The following TMEM196 variants were observed in gnomAD, a reference collection of about 807,000 sequenced individuals.
TMEM196 encodes the protein transmembrane protein 196.
In TMEM196, 17 loss-of-function variants were observed where a neutral mutation model predicts 20.0. The ratio of observed to expected loss-of-function variants is 0.85; its 90% CI spans 0.58 to 1.27. TMEM196 has a LOEUF of 1.27. Ranked by LOEUF, TMEM196 falls within the 50% of genes most tolerant of loss-of-function variation. The probability of loss-of-function intolerance (pLI) is 0.00; values close to 1 mark genes in which losing one functional copy is unlikely to be tolerated. For synonymous variants in TMEM196, 113 were observed against 88.9 expected (o/e 1.27, Z -1.52); for missense variants, 267 against 223.0 (o/e 1.20, Z -1.26).
At chr7:19,734,583 C>G (rs1019738932) in intron 1 of TMEM196, among the ~76,000 whole-genome samples, 1 of 152,122 alleles carries the variant, frequency 6.6e-6, no homozygotes, top group Non-Finnish European at 1.5e-5. Flanking sequence ...AACAAAGAGA[C>G]AGGGAGAAGA....
chr7:19,731,927 G>GC (rs766642389), intron 1 of TMEM196, among the ~76,000 whole-genome samples: 1 of 152,140 alleles, frequency 6.6e-6, no homozygotes, highest in Non-Finnish European at 1.5e-5. Flanking sequence ...CTAGAGAAAA[G>GC]CTGTAACCTG....
intron 1 of TMEM196, among the ~76,000 whole-genome samples, chr7:19,758,501 G>A (rs765635503): frequency 6.6e-6 from 1 of 152,040 alleles, no homozygotes; most frequent in Non-Finnish European, 1.5e-5. Flanking sequence ...ATCATCTGTC[G>A]AAATAATGTT....
chr7:19,744,031 AG>A (rs1317139129), intron 1 of TMEM196, among the ~76,000 whole-genome samples: 2 of 152,156 alleles, frequency 1.3e-5, no homozygotes, highest in African/African-American at 2.4e-5. Context: ...AGATTGTGGA[AG>A]AAAGCGTTAT....
At chr7:19,737,390 T>C (rs1784444997) in intron 1 of TMEM196, among the ~76,000 whole-genome samples, 1 of 152,062 alleles carries the variant, frequency 6.6e-6, no homozygotes, top group African/African-American at 2.4e-5. Context: ...GTAGCCACTA[T>C]GTAAAACAAG....
intron 2 of TMEM196, among the ~76,000 whole-genome samples, chr7:19,729,133 G>T (rs1784102939): frequency 6.6e-6 from 1 of 152,124 alleles, no homozygotes; most frequent in African/African-American, 2.4e-5. Flanking sequence ...AGTCATTAAA[G>T]GTTGCATATT....
At chr7:19,760,707 T>C (rs2128037202) in intron 1 of TMEM196, among the ~76,000 whole-genome samples, 1 of 152,308 alleles carries the variant, frequency 6.6e-6, no homozygotes, top group South Asian at 2.1e-4. Flanking sequence ...AATTTGTGTA[T>C]TATTTACTCA....
At chr7:19,738,056 A>T (rs1212942629) in intron 1 of TMEM196, among the ~76,000 whole-genome samples, 1 of 152,068 alleles carries the variant, frequency 6.6e-6, no homozygotes, top group Non-Finnish European at 1.5e-5. Flanking sequence ...CTGACCTGAG[A>T]TGTAACTTTA....
At position 19,729,388 on chromosome 7, in the gene TMEM196, T is replaced by A; in HGVS notation, c.198A>T (p.Gly66=). 1 of 1,550,694 alleles carries A rather than the reference T, an allele frequency of 6.4e-7. No homozygotes were observed. Among genetic ancestry groups the A allele is most frequent in the Non-Finnish European group, 8.7e-7 (1 of 1,146,740 alleles). The part of the protein sequence containing the change: ...CGILCAKKKS[G]LVMILFSACC... ...AAACAAATCAAACACTTACGACAAGTCCTGATTTTTTTTTGGCACACAATA... is the reference window on the plus strand; with the variant it reads ...AAACAAATCAAACACTTACGACAAGACCTGATTTTTTTTTGGCACACAATA... Residue 66 remains glycine, a synonymous_variant, in exon 2 of 5, where the codon GGA becomes GGT. Coordinates refer to ENST00000405844, the MANE Select transcript of TMEM196 (RefSeq NM_001363562.2).
chr7:19,769,462 C>G (rs774050164), intron 1 of TMEM196, among the ~76,000 whole-genome samples: 18 of 152,070 alleles, frequency 1.2e-4, no homozygotes, highest in Non-Finnish European at 2.6e-4. Context: ...ATGGAAGAGC[C>G]TACTCTTCCT....
At chr7:19,764,026 C>T (rs1053750197) in intron 1 of TMEM196, among the ~76,000 whole-genome samples, 2 of 152,164 alleles carry the variant, frequency 1.3e-5, no homozygotes, top group Non-Finnish European at 2.9e-5. Context: ...CAATTAAATG[C>T]ACAAATTTCT....
At position 19,726,900 on chromosome 7, in the gene TMEM196, A is replaced by G. The variant is rs570424922; in HGVS notation, c.205-1132T>C. Reference sequence around the variant, plus strand: ...TTCCAGTCACCTCTCTTGTCCTTCAATATGGGTTACTCATTCCCACATCAG... The same window carrying G: ...TTCCAGTCACCTCTCTTGTCCTTCAGTATGGGTTACTCATTCCCACATCAG... On this transcript the variant is annotated intron_variant, in intron 2 of 4. Coordinates refer to ENST00000405844, the MANE Select transcript of TMEM196 (RefSeq NM_001363562.2). Among the ~76,000 whole-genome samples the G allele has an allele frequency of 4.3e-4, 65 of 152,162 alleles. 1 individual carries two copies. The highest frequency in any genetic ancestry group is 1.5e-3 in the African/African-American group (64 of 41,524).
intron 2 of TMEM196, among the ~76,000 whole-genome samples, chr7:19,726,141 C>A (rs1245164409): frequency 6.6e-6 from 1 of 152,110 alleles, no homozygotes; most frequent in Non-Finnish European, 1.5e-5. Flanking sequence ...TAACAAATAT[C>A]ATCTCAATTG....
At chr7:19,725,941 G>C (rs1366948552) in intron 2 of TMEM196, among the ~76,000 whole-genome samples, 173 bp from the exon 3 acceptor site, 1 of 151,998 alleles carries the variant, frequency 6.6e-6, no homozygotes, top group South Asian at 2.1e-4. Context: ...TTTTTGCCAA[G>C]TTTCTATTCA....
intron 1 of TMEM196, among the ~76,000 whole-genome samples, chr7:19,770,810 AAAAG>A (rs1247722807): frequency 6.6e-6 from 1 of 152,216 alleles, no homozygotes; most frequent in African/African-American, 2.4e-5. Context: ...TAGTCTGAGA[AAAAG>A]AAAAAATATT....
intron 1 of TMEM196, among the ~76,000 whole-genome samples, chr7:19,760,556 TCATC>T (rs1205658199): frequency 6.6e-6 from 1 of 151,962 alleles, no homozygotes; most frequent in African/African-American, 2.4e-5. Flanking sequence ...AGCCGAGGTT[TCATC>T]ATGTCAGCCA....
chr7:19,749,793 C>A (rs1458781285), intron 1 of TMEM196, among the ~76,000 whole-genome samples: 1 of 152,160 alleles, frequency 6.6e-6, no homozygotes. Context: ...ACAAACAATT[C>A]TCCTACGTAT....
chr7:19,754,079 T>C (rs939700333), intron 1 of TMEM196, among the ~76,000 whole-genome samples: 2 of 152,240 alleles, frequency 1.3e-5, no homozygotes, highest in Non-Finnish European at 2.9e-5. Flanking sequence ...GAATGACTAC[T>C]CTGGAGTCAT....
intron 1 of TMEM196, among the ~76,000 whole-genome samples, chr7:19,751,714 G>T (rs1784968212): frequency 6.6e-6 from 1 of 152,114 alleles, no homozygotes; most frequent in African/African-American, 2.4e-5. Flanking sequence ...CATCTGATGG[G>T]TACAGACCAG....
Position 19,769,709 on chromosome 7 carries a change from AC to A in TMEM196, c.147+2840del, listed in dbSNP as rs199520561. Among the ~76,000 whole-genome samples, 42 of 152,060 alleles carry A rather than the reference AC, an allele frequency of 2.8e-4. No homozygotes were observed. The East Asian group carries it at 7.2e-3, about 26-fold the overall frequency. ...TGATTGAAAATATTTGGGAAAAAAA[AC>A]AATACAACAACAATAATAATACAAA... On this transcript the variant is annotated intron_variant, in intron 1 of 4. Coordinates refer to ENST00000405844, the MANE Select transcript of TMEM196 (RefSeq NM_001363562.2).
Sources: gnomAD v4.1 joint callset for allele counts (sites outside exome capture counted in the v4.1 genomes callset) on GRCh38, gnomAD v4.1.1 for gene constraint, MANE v1.5 for transcripts, NCBI Gene and HGNC (gene_info 2026-07-23, HGNC 2026-07-21) for gene names.